The following RANBP3 variants were observed in gnomAD, a reference collection of about 807,000 sequenced individuals.
RANBP3 encodes ran-binding protein 3.
In RANBP3, 14 loss-of-function variants were observed where a neutral mutation model predicts 77.3. That is an observed-to-expected ratio of 0.18 (90% CI 0.12 to 0.28). RANBP3 has a LOEUF of 0.28. Among genes scored for constraint, RANBP3 ranks in the 10% least tolerant of loss-of-function variants. RANBP3 has a pLI of 1.00. For synonymous variants in RANBP3, 315 were observed against 312.4 expected, an observed-to-expected ratio of 1.01 and a Z score of -0.09; for missense variants, 586 against 752.3, an observed-to-expected ratio of 0.78 and a Z score of 2.59.
intron 5 of RANBP3, among the ~76,000 whole-genome samples, chr19:5,936,194 G>A (rs552163076): frequency 3.3e-5 from 5 of 152,382 alleles, no homozygotes; most frequent in East Asian, 3.9e-4. Flanking sequence ...GTGCGTGGAC[G>A]GCGCTGGTGC....
At chr19:5,969,095 A>T (rs1269236964) in intron 1 of RANBP3, among the ~76,000 whole-genome samples, 2 of 152,156 alleles carry the variant, frequency 1.3e-5, no homozygotes, top group Non-Finnish European at 2.9e-5. Flanking sequence ...AAGAGCCTGG[A>T]GGCCCATGTT....
At chr19:5,922,378 G>A (rs1033711331) in intron 13 of RANBP3, among the ~76,000 whole-genome samples, 3 of 152,170 alleles carry the variant, frequency 2.0e-5, no homozygotes, top group Non-Finnish European at 2.9e-5. Context: ...AGAACGCCAC[G>A]ATACGCCACC....
intron 1 of RANBP3, among the ~76,000 whole-genome samples, chr19:5,973,498 A>C (rs1295400963): frequency 6.6e-6 from 1 of 152,218 alleles, no homozygotes; most frequent in East Asian, 1.9e-4. Context: ...TACAGTGCAC[A>C]GCGCAATCGC....
intron 2 of RANBP3, 107 bp from the exon 3 acceptor site, chr19:5,951,703 C>T: frequency 9.8e-7 from 1 of 1,017,256 alleles, no homozygotes; most frequent in Non-Finnish European, 1.5e-6. Context: ...CTTGCAGCAG[C>T]TCCTGCGCCT....
intron 1 of RANBP3, among the ~76,000 whole-genome samples, chr19:5,963,661 C>T (rs563525508): frequency 2.0e-5 from 3 of 152,326 alleles, no homozygotes; most frequent in South Asian, 2.1e-4. Flanking sequence ...CTGAGAATGA[C>T]GTTTCAAGGA....
intron 8 of RANBP3, among the ~76,000 whole-genome samples, chr19:5,929,485 A>G (rs1275801304): frequency 6.6e-6 from 1 of 152,256 alleles, no homozygotes; most frequent in Non-Finnish European, 1.5e-5. Flanking sequence ...GTTTCTGACT[A>G]CAGGGTATGT....
intron 1 of RANBP3, chr19:5,962,781 A>G: frequency 2.2e-6 from 1 of 455,996 alleles, no homozygotes; most frequent in Non-Finnish European, 4.4e-6. Context: ...ACTGCAAATC[A>G]GCACGGCTAT....
chr19:5,977,191 T>C (rs894115882), intron 1 of RANBP3, among the ~76,000 whole-genome samples: 1 of 151,972 alleles, frequency 6.6e-6, no homozygotes, highest in African/African-American at 2.4e-5. Context: ...TGCCTGCATT[T>C]GTGCAACTAG....
Position 5,959,180 on chromosome 19 carries a change from A to G in RANBP3, c.23-1207T>C, listed in dbSNP as rs1017031001. Among the ~76,000 whole-genome samples, 1 of 152,176 alleles carries G rather than the reference A, an allele frequency of 6.6e-6. No homozygotes were observed. The highest frequency in any genetic ancestry group is 2.1e-4 in the South Asian group (1 of 4,828). On this transcript the variant is annotated intron_variant, in intron 1 of 16. Coordinates refer to ENST00000340578, the MANE Select transcript of RANBP3 (RefSeq NM_007322.3). The surrounding 1 kb of genome is among the most constrained non-coding windows in gnomAD (Gnocchi z 5.1). ...CTTGCGGGGTGATGGGGCCAGGGGCAGGCGGTGGGCATGCTGACTTGCTGG... is the reference window on the plus strand; with the variant it reads ...CTTGCGGGGTGATGGGGCCAGGGGCGGGCGGTGGGCATGCTGACTTGCTGG...
chr19:5,957,962 T>TGGC lies in RANBP3; in HGVS notation c.31_33dup (p.Ala11dup). 6.2e-7 allele frequency: 1 copy of TGGC among 1,614,178 alleles called. No homozygotes were observed. Among genetic ancestry groups the TGGC allele is most frequent in the East Asian group, 2.2e-5 (1 of 44,894 alleles). ...TGAAACACAAAGACGGGCGGAGCAA[T>TGGC]GGCAGGCTTTTCTGCAAAAAGAAAA... On this transcript the variant is annotated inframe_insertion, in exon 2 of 17. Transcript: ENST00000340578.
chr19:5,924,007 C>T lies in RANBP3; in HGVS notation c.997-93G>A, dbSNP rs749363254. ...CCTCTCTGCCTGGCCCCCAACACTA[C>T]GCTGCCCCCAGCACTCCTGCCCACT... On this transcript the variant is annotated intron_variant, in intron 11 of 16. Coordinates refer to ENST00000340578, the MANE Select transcript of RANBP3 (RefSeq NM_007322.3). The surrounding 1 kb of genome is among the most constrained non-coding windows in gnomAD (Gnocchi z 4.7). 16 of 979,052 alleles carry T rather than the reference C, an allele frequency of 1.6e-5. No homozygotes were observed. The highest frequency in any genetic ancestry group is 3.9e-5 in the Admixed American group (2 of 50,882). The allele number at this position is 979,052 out of a possible 1,614,324, so 60.6% of individuals were successfully genotyped here. A position where few individuals can be genotyped will look rare whatever the true frequency, so the allele number is the denominator to read the frequency against.
rs931910930 is a variant in RANBP3, at chr19:5,959,175, G to GGGGCAGGCGGT, written c.23-1213_23-1203dup. ...CACAGCTTGCGGGGTGATGGGGCCA[G>GGGGCAGGCGGT]GGGCAGGCGGTGGGCATGCTGACTT... On this transcript the variant is annotated intron_variant, in intron 1 of 16. Coordinates refer to ENST00000340578, the MANE Select transcript of RANBP3 (RefSeq NM_007322.3). The surrounding 1 kb of genome is among the most constrained non-coding windows in gnomAD (Gnocchi z 5.1). Among the ~76,000 whole-genome samples, 7 of 152,184 alleles carry GGGGCAGGCGGT rather than the reference G, an allele frequency of 4.6e-5. No individual in the cohort carries two copies.
chr19:5,959,454 C>T lies in RANBP3; in HGVS notation c.23-1481G>A, dbSNP rs1303129070. Reference sequence around the variant, plus strand: ...CCACTGATGGTGACATTCCCCCCACCATGCTCCCCGAAGCCTCGGCACACC... The same window carrying T: ...CCACTGATGGTGACATTCCCCCCACTATGCTCCCCGAAGCCTCGGCACACC... On this transcript the variant is annotated intron_variant, in intron 1 of 16. Coordinates refer to ENST00000340578, the MANE Select transcript of RANBP3 (RefSeq NM_007322.3). This position sits in a 1 kb window ranked among gnomAD's most constrained non-coding sequence, Gnocchi z 5.1. 6.6e-6 allele frequency among the ~76,000 whole-genome samples: 1 copy of T among 152,074 alleles called. No individual in the cohort carries two copies. Among genetic ancestry groups the T allele is most frequent in the Non-Finnish European group, 1.5e-5 (1 of 67,990 alleles).
chr19:5,965,210 T>C (rs912744939), intron 1 of RANBP3, among the ~76,000 whole-genome samples: 1 of 151,950 alleles, frequency 6.6e-6, no homozygotes, highest in Non-Finnish European at 1.5e-5. Context: ...CTTGGGGGTG[T>C]GTGTGCGAAG....
chr19:5,928,212 C>T (rs2057939351), intron 8 of RANBP3, 125 bp from the exon 9 acceptor site: 1 of 1,173,816 alleles, frequency 8.5e-7, no homozygotes, highest in Non-Finnish European at 1.2e-6. Context: ...CCTGCACTCC[C>T]AGCTACTCAG....
intron 10 of RANBP3, 99 bp from the exon 11 acceptor site, chr19:5,925,004 AGTG>A: frequency 9.2e-7 from 1 of 1,089,886 alleles, no homozygotes; most frequent in South Asian, 1.3e-5. Flanking sequence ...CAGAGGGCAC[AGTG>A]GAGGGGCCTC....
chr19:5,925,562 C>T lies in RANBP3; in HGVS notation c.917+72G>A. On this transcript the variant is annotated intron_variant, in intron 10 of 16. Coordinates refer to ENST00000340578, the MANE Select transcript of RANBP3 (RefSeq NM_007322.3). ...GAGTCGGGCACGGGGACCACAGACCCCTCTCTGGCAGAAGCCCTCGCGGCC... is the reference window on the plus strand; with the variant it reads ...GAGTCGGGCACGGGGACCACAGACCTCTCTCTGGCAGAAGCCCTCGCGGCC... The T allele has an allele frequency of 3.0e-6, 4 of 1,353,764 alleles. No homozygotes were observed. The East Asian group carries it at 6.9e-5, about 23-fold the overall frequency. 83.9% of individuals were successfully genotyped at this position (1,353,764 alleles called of 1,614,324 possible).
chr19:5,923,801 C>A lies in RANBP3; in HGVS notation c.1099+11G>T. ...CCATGAGCCCCATGCTGTGGTGGGA[C>A]GCTAACATACCTTTCTCAGGGGTGG... On this transcript the variant is annotated intron_variant, in intron 12 of 16. Transcript: ENST00000340578. The A allele has an allele frequency of 6.3e-7, 1 of 1,595,580 alleles. No homozygotes were observed. The highest frequency in any genetic ancestry group is 8.6e-7 in the Non-Finnish European group (1 of 1,163,304).
chr19:5,933,690 G>A (rs931739295), intron 5 of RANBP3: 3 of 506,256 alleles, frequency 5.9e-6, no homozygotes, highest in East Asian at 3.5e-5. Context: ...CAGGAGGAAC[G>A]ATGGCTCTTG....
Sources: gnomAD v4.1 joint callset for allele counts (sites outside exome capture counted in the v4.1 genomes callset) on GRCh38, gnomAD v4.1.1 for gene constraint, Gnocchi (gnomAD v3.1) non-coding constraint, MANE v1.5 for transcripts, NCBI Gene and HGNC (gene_info 2026-07-23, HGNC 2026-07-21) for gene names.